Variants in MYO5B observed in about 807,000 individuals in gnomAD.
MYO5B encodes unconventional myosin-Vb.
A neutral mutation model predicts 229.3 loss-of-function variants in MYO5B; 143 were observed. The observed-to-expected ratio is 0.62, with a 90% CI of 0.54 to 0.72. The LOEUF is 0.72. Among genes scored for constraint, MYO5B ranks in the 30% least tolerant of loss-of-function variants. The pLI, the probability that MYO5B is intolerant of heterozygous loss-of-function variation, is 0.00. For missense variants in MYO5B, 2,321 were observed against 2,331.0 expected (o/e 1.00, Z 0.09); for synonymous variants, 918 against 885.2 (o/e 1.04, Z -0.66).
chr18:50,091,385 C>T (rs143340809), intron 1 of MYO5B, among the ~76,000 whole-genome samples: 15 of 152,300 alleles, frequency 9.8e-5, no homozygotes, highest in African/African-American at 3.4e-4. Flanking sequence ...ATAAATTTTA[C>T]TCGTATTCAA....
chr18:50,054,357 T>A (rs749281842), intron 2 of MYO5B, among the ~76,000 whole-genome samples: 1 of 152,124 alleles, frequency 6.6e-6, no homozygotes, highest in African/African-American at 2.4e-5. Flanking sequence ...AAAGAGTGGG[T>A]TCCTTTTCTC....
rs2024762806 is a variant in MYO5B at position 49,895,085 on chromosome 18, C to T, written c.2901G>A (p.Val967=). 1.2e-6 allele frequency: 2 copies of T among 1,614,168 alleles called. No homozygotes were observed. The highest frequency in any genetic ancestry group is 1.1e-5 in the South Asian group (1 of 91,086). ...CCTCACCTGGGCTCTGCTGGTAGTG[C>T]ACCAGCTCCTTCTTCAGCCGCTCTA... ...MEVERLKKEL[V]HYQQSPGEDT... The change falls in exon 22 of 40, where the codon GTG becomes GTA. Residue 967 remains valine, a synonymous_variant. Transcript: ENST00000285039.
intron 21 of MYO5B, 134 bp from the exon 22 acceptor site, chr18:49,895,308 T>C (rs1177217136): frequency 1.3e-6 from 1 of 741,958 alleles, no homozygotes; most frequent in East Asian, 2.7e-5. Flanking sequence ...AATCATTGCA[T>C]GCTCAAGTGC....
chr18:50,033,892 C>T (rs536807652), intron 4 of MYO5B, among the ~76,000 whole-genome samples: 1 of 150,846 alleles, frequency 6.6e-6, no homozygotes, highest in Non-Finnish European at 1.5e-5. Flanking sequence ...CCAGCACTAG[C>T]AGTTCTCTCC....
intron 17 of MYO5B, among the ~76,000 whole-genome samples, chr18:49,922,086 C>G (rs1598884393): frequency 6.6e-6 from 1 of 152,216 alleles, no homozygotes; most frequent in African/African-American, 2.4e-5. Context: ...CAGCACCCAA[C>G]TCAGGTCCCT....
chr18:49,878,603 C>CCA (rs886339319), intron 24 of MYO5B, among the ~76,000 whole-genome samples: 1 of 152,028 alleles, frequency 6.6e-6, no homozygotes, highest in Non-Finnish European at 1.5e-5. Context: ...GGTCTCTCTG[C>CCA]CACACACACA....
chr18:50,061,353 A>AATG (rs1415496069), intron 1 of MYO5B, among the ~76,000 whole-genome samples: 3 of 152,188 alleles, frequency 2.0e-5, no homozygotes, highest in Admixed American at 2.0e-4. Flanking sequence ...AGTATTAGGC[A>AATG]ATGATGATGA....
chr18:49,833,946 C>T (rs977252002), intron 39 of MYO5B, among the ~76,000 whole-genome samples: 4 of 152,146 alleles, frequency 2.6e-5, no homozygotes, highest in African/African-American at 7.2e-5. Context: ...CTTTAACAAT[C>T]GACTGTGTTT....
chr18:50,099,451 AG>A (rs1449333796), intron 1 of MYO5B, among the ~76,000 whole-genome samples: 3 of 152,198 alleles, frequency 2.0e-5, no homozygotes, highest in Non-Finnish European at 4.4e-5. Flanking sequence ...AGGGAACAGG[AG>A]GAACAGAAGT....
chr18:50,007,070 A>G (rs1272764848), intron 4 of MYO5B, among the ~76,000 whole-genome samples: 1 of 152,078 alleles, frequency 6.6e-6, no homozygotes, highest in African/African-American at 2.4e-5. Flanking sequence ...CTTGGGTGGC[A>G]CCCGTGGTAT....
chr18:49,827,360 T>G (rs59349348), intron 39 of MYO5B, among the ~76,000 whole-genome samples: 1 of 152,224 alleles, frequency 6.6e-6, no homozygotes, highest in Non-Finnish European at 1.5e-5. Flanking sequence ...TCCAAAAATT[T>G]GGGGTTGTGC....
At chr18:49,848,955 C>T (rs1052623910) in intron 32 of MYO5B, among the ~76,000 whole-genome samples, 16 of 152,076 alleles carry the variant, frequency 1.1e-4, no homozygotes, top group African/African-American at 3.4e-4. Flanking sequence ...TAAGACGAGA[C>T]TCAAGCCCTG....
intron 1 of MYO5B, among the ~76,000 whole-genome samples, chr18:50,177,937 T>C (rs970567481): frequency 1.3e-5 from 2 of 152,192 alleles, no homozygotes; most frequent in Non-Finnish European, 2.9e-5. Context: ...ATCCTTCTTG[T>C]CATCTCCAAA....
chr18:49,872,024 C>A (rs1318819770), intron 27 of MYO5B, 143 bp downstream of exon 27: 2 of 807,904 alleles, frequency 2.5e-6, no homozygotes, highest in Non-Finnish European at 4.4e-6. Flanking sequence ...TAAGAAACTA[C>A]AGCATGGAAA....
chr18:50,013,808 G>A (rs1411687729), intron 4 of MYO5B, among the ~76,000 whole-genome samples: 1 of 152,238 alleles, frequency 6.6e-6, no homozygotes, highest in African/African-American at 2.4e-5. Flanking sequence ...TTGCTTCACA[G>A]AGACGGTAAG....
rs2025324307 is a variant in MYO5B, at chr18:49,942,384, A to AC, written c.1753-4988_1753-4987insG. On this transcript the variant is annotated intron_variant, in intron 14 of 39. Coordinates refer to ENST00000285039, the MANE Select transcript of MYO5B (RefSeq NM_001080467.3). Reference sequence around the variant, plus strand: ...AACTAAAGAGCTTCTGCACAGCAAAAAAAAAAAAAAAAAAAAAAAAACTAC... The same window carrying AC: ...AACTAAAGAGCTTCTGCACAGCAAAACAAAAAAAAAAAAAAAAAAAAACTAC... Among the ~76,000 whole-genome samples, 4 of 102,266 alleles carry AC rather than the reference A, an allele frequency of 3.9e-5. No individual in the cohort carries two copies. The South Asian group carries it at 1.2e-3, about 31-fold the overall frequency. 67.1% of individuals were successfully genotyped at this position (102,266 alleles called of 152,430 possible). A position where few individuals can be genotyped will look rare whatever the true frequency, so the allele number is the denominator to read the frequency against.
At chr18:50,193,864 C>T (rs946338221) in intron 1 of MYO5B, among the ~76,000 whole-genome samples, 7 of 152,272 alleles carry the variant, frequency 4.6e-5, no homozygotes, top group Admixed American at 2.6e-4. Flanking sequence ...CTGCCGCGAG[C>T]TCCCCTGGAA....
At chr18:49,945,539 AG>A (rs2025362576) in intron 14 of MYO5B, among the ~76,000 whole-genome samples, 1 of 152,070 alleles carries the variant, frequency 6.6e-6, no homozygotes, top group African/African-American at 2.4e-5. Context: ...AGTCACCGAA[AG>A]CGTGAGGGCA....
At chr18:50,108,782 T>C (rs2031809939) in intron 1 of MYO5B, among the ~76,000 whole-genome samples, 1 of 152,204 alleles carries the variant, frequency 6.6e-6, no homozygotes, top group South Asian at 2.1e-4. Flanking sequence ...CTATTGAGGA[T>C]ACCAGGTATG....
Sources: gnomAD v4.1 joint callset for allele counts (sites outside exome capture counted in the v4.1 genomes callset) on GRCh38, gnomAD v4.1.1 for gene constraint, MANE v1.5 for transcripts, NCBI Gene and HGNC (gene_info 2026-07-23, HGNC 2026-07-21) for gene names.